NTRK1: variants seen among roughly 807,000 people sequenced by gnomAD.
The protein encoded by NTRK1 is high affinity nerve growth factor receptor.
Under a neutral mutation model 86.8 loss-of-function variants are expected in NTRK1, and 62 were observed. That is an observed-to-expected ratio of 0.71 (90% CI 0.58 to 0.88). The LOEUF (loss-of-function observed/expected upper bound fraction) is 0.88. Ranked by LOEUF, NTRK1 falls within the 40% of genes least tolerant of loss-of-function variation. The pLI, the probability that NTRK1 is intolerant of heterozygous loss-of-function variation, is 0.00. For synonymous variants in NTRK1, 469 were observed against 456.6 expected (o/e 1.03, Z -0.35); for missense variants, 967 against 1,078.4 (o/e 0.90, Z 1.45).
chr1:156,832,607 G>C (rs1654492974), intron 1 of NTRK1, among the ~76,000 whole-genome samples: 1 of 152,180 alleles, frequency 6.6e-6, no homozygotes, highest in Admixed American at 6.5e-5. Context: ...TGCAGGCTTA[G>C]AGCTGCAAAG....
Position 156,873,743 on chromosome 1 carries a change from G to A in NTRK1, c.961G>A (p.Val321Met), listed in dbSNP as rs369367198. ...PSLRWLFNGS[V>M]LNETSFIFTE... is the part of the protein sequence containing the mutation. ...TCTGCGCTGGCTCTTCAATGGCTCCGTGCTCAATGAGACCAGCTTCATCTT... is the reference window on the plus strand; with the variant it reads ...TCTGCGCTGGCTCTTCAATGGCTCCATGCTCAATGAGACCAGCTTCATCTT... The change falls in exon 8 of 17, where the codon GTG (valine) becomes ATG (methionine). Residue 321 changes from valine to methionine, a missense_variant. This residue lies in a region of NTRK1 where 637 missense variants were observed against 776.5 expected (regional missense o/e 0.82). Transcript: ENST00000524377. 2.0e-5 allele frequency: 33 copies of A among 1,613,180 alleles called. 1 individual carries two copies. Among genetic ancestry groups the A allele is most frequent in the Middle Eastern group, 1.7e-4 (1 of 6,010 alleles).
chr1:156,822,545 G>A (rs1448189689), intron 1 of NTRK1, among the ~76,000 whole-genome samples: 1 of 143,072 alleles, frequency 7.0e-6, no homozygotes, highest in African/African-American at 2.6e-5. Flanking sequence ...CTGGATGACA[G>A]AGCAAGAGCC....
In NTRK1 at chr1:156,873,742, C is replaced by T. The variant is rs368994290; in HGVS notation, c.960C>T (p.Ser320=). Residue 320 remains serine, a synonymous_variant, in exon 8 of 17, where the codon TCC becomes TCT. Transcript: ENST00000524377. ...CTCTGCGCTGGCTCTTCAATGGCTC[C>T]GTGCTCAATGAGACCAGCTTCATCT... ...APSLRWLFNG[S]VLNETSFIFT... 9 of 1,613,026 alleles carry T rather than the reference C, an allele frequency of 5.6e-6. No individual in the cohort carries two copies. The highest frequency in any genetic ancestry group is 2.2e-5 in the East Asian group (1 of 44,856).
chr1:156,856,509 G>A (rs1156538034), upstream of NTRK1, among the ~76,000 whole-genome samples: 4 of 151,968 alleles, frequency 2.6e-5, no homozygotes. Flanking sequence ...AATGCATCCA[G>A]CCTCAGAAGG....
intron 9 of NTRK1, 22 bp downstream of exon 9, chr1:156,874,422 G>A (rs1185644351): frequency 4.3e-6 from 7 of 1,614,008 alleles, no homozygotes; most frequent in Non-Finnish European, 5.9e-6. Flanking sequence ...AAGGTGGAGG[G>A]CAGGTTCTGC....
chr1:156,866,228 G>T (rs1001609274), intron 3 of NTRK1, among the ~76,000 whole-genome samples: 1 of 152,212 alleles, frequency 6.6e-6, no homozygotes, highest in South Asian at 2.1e-4. Context: ...GGTCAGGATA[G>T]GCCCCTCAGA....
At chr1:156,845,463 T>C in intron 2 of NTRK1, 1 of 1,523,322 alleles carries the variant, frequency 6.6e-7, no homozygotes, top group Non-Finnish European at 8.8e-7. Context: ...TGCACCCCTG[T>C]GCCCTCTGCA....
chr1:156,846,215 T>C, intron 2 of NTRK1: 1 of 1,302,852 alleles, frequency 7.7e-7, no homozygotes, highest in Non-Finnish European at 1.0e-6. Flanking sequence ...AACAGCCTTG[T>C]TCTCCCAAAG....
intron 1 of NTRK1, chr1:156,816,096 T>C (rs1294586121): frequency 6.2e-7 from 1 of 1,611,992 alleles, no homozygotes; most frequent in East Asian, 2.2e-5. Context: ...CGTGACTCCC[T>C]GTGAGCACAA....
chr1:156,825,221 T>C (rs2102836791), intron 1 of NTRK1, among the ~76,000 whole-genome samples: 1 of 152,280 alleles, frequency 6.6e-6, no homozygotes, highest in East Asian at 1.9e-4. Flanking sequence ...GGGACTCACT[T>C]GAATTGGCTG....
intron 2 of NTRK1, chr1:156,851,117 T>G: frequency 1.4e-6 from 1 of 732,394 alleles, no homozygotes; most frequent in Non-Finnish European, 2.5e-6. Flanking sequence ...TAATGTTATA[T>G]TAGCCCTATT....
intron 2 of NTRK1, among the ~76,000 whole-genome samples, chr1:156,847,489 T>A (rs1381949152): frequency 6.6e-6 from 1 of 152,058 alleles, no homozygotes; most frequent in East Asian, 1.9e-4. Flanking sequence ...CAATGGAACA[T>A]CACATTGATG....
intron 1 of NTRK1, among the ~76,000 whole-genome samples, chr1:156,834,171 T>C (rs1218345668): frequency 6.6e-6 from 1 of 151,950 alleles, no homozygotes; most frequent in Non-Finnish European, 1.5e-5. Flanking sequence ...GTGGGTGGTA[T>C]AGAGATCAGA....
At chr1:156,852,602 C>T (rs756162292) in intron 2 of NTRK1, among the ~76,000 whole-genome samples, 17 of 152,178 alleles carry the variant, frequency 1.1e-4, no homozygotes, top group South Asian at 2.1e-4. Context: ...AGGGAGGGGC[C>T]GACATCTGTC....
chr1:156,822,079 G>T (rs893014477), intron 1 of NTRK1, among the ~76,000 whole-genome samples: 1 of 152,200 alleles, frequency 6.6e-6, no homozygotes, highest in South Asian at 2.1e-4. Context: ...GGCAGTGGTG[G>T]TTTGGGAGGC....
At chr1:156,853,442 C>A (rs1047609474) in intron 2 of NTRK1, among the ~76,000 whole-genome samples, 1 of 152,172 alleles carries the variant, frequency 6.6e-6, no homozygotes, top group Non-Finnish European at 1.5e-5. Context: ...TTGGACTTAG[C>A]CACTGCCCCA....
intron 1 of NTRK1, chr1:156,841,451 A>G (rs1348309957): frequency 2.5e-6 from 4 of 1,613,866 alleles, no homozygotes; most frequent in South Asian, 1.1e-5. Flanking sequence ...GACGAACTTC[A>G]GCACCTGCTC....
rs2102915768 is a variant in NTRK1 at position 156,875,679 on chromosome 1, G to A, written c.1501+13G>A. ...TTCAGTGATGCCTGTGAGGGGCTAT[G>A]CTGGGTCAAGGGCAGGGACGAGTGT... On this transcript the variant is annotated intron_variant, in intron 12 of 16. Transcript: ENST00000524377. 6.2e-7 allele frequency: 1 copy of A among 1,608,754 alleles called. No individual in the cohort carries two copies. The highest frequency in any genetic ancestry group is 8.5e-7 in the Non-Finnish European group (1 of 1,179,292).
chr1:156,863,182 C>T lies in NTRK1; in HGVS notation c.213-1172C>T, dbSNP rs577566744. Reference sequence around the variant, plus strand: ...GGCAGGCCCCAGGGCGTCAGCTGTCCCCTAGCCCCGAATGCCTACTCATTC... The same window carrying T: ...GGCAGGCCCCAGGGCGTCAGCTGTCTCCTAGCCCCGAATGCCTACTCATTC... On this transcript the variant is annotated intron_variant, in intron 1 of 16. Coordinates refer to ENST00000524377, the MANE Select transcript of NTRK1 (RefSeq NM_002529.4). Among the ~76,000 whole-genome samples, 26 of 152,214 alleles carry T rather than the reference C, an allele frequency of 1.7e-4. 1 individual carries two copies. Among genetic ancestry groups the T allele is most frequent in the African/African-American group, 3.6e-4 (15 of 41,522 alleles).
Sources: gnomAD v4.1 joint callset for allele counts (sites outside exome capture counted in the v4.1 genomes callset) on GRCh38, gnomAD v4.1.1 for gene constraint, gnomAD v4.1.1 regional missense constraint, MANE v1.5 for transcripts, NCBI Gene and HGNC (gene_info 2026-07-23, HGNC 2026-07-21) for gene names.